The following CECR2 variants were observed in gnomAD, a reference collection of about 807,000 sequenced individuals.
CECR2 encodes CECR2 histone acetyl-lysine reader, also known as chromatin remodeling regulator CECR2.
In CECR2, 30 loss-of-function variants were observed where a neutral mutation model predicts 154.5. The observed-to-expected ratio is 0.19, with a 90% confidence interval of 0.15 to 0.26. The LOEUF (loss-of-function observed/expected upper bound fraction) is 0.26. Ranked by LOEUF, CECR2 falls within the 10% of genes least tolerant of loss-of-function variation. CECR2 has a pLI of 1.00. For missense variants in CECR2, 1,743 were observed against 1,829.3 expected, an observed-to-expected ratio of 0.95 and a Z score of 0.86; for synonymous variants, 725 against 683.7, an observed-to-expected ratio of 1.06 and a Z score of -0.94.
intron 5 of CECR2, among the ~76,000 whole-genome samples, chr22:17,502,237 G>C (rs990879670): frequency 1.3e-5 from 2 of 152,188 alleles, no homozygotes; most frequent in Admixed American, 1.3e-4. Flanking sequence ...AGGTCACATT[G>C]TAAGTGGCAC....
At chr22:17,422,655 A>G (rs1203929372) in intron 1 of CECR2, among the ~76,000 whole-genome samples, 1 of 147,016 alleles carries the variant, frequency 6.8e-6, no homozygotes, top group Non-Finnish European at 1.5e-5. Context: ...TTTATATTAC[A>G]CCTTTTGTAC....
At position 17,549,264 on chromosome 22, in the gene CECR2, G is replaced by A. The variant is rs1478206149; in HGVS notation, c.3977G>A (p.Ser1326Asn). ...CTCTATGGAACTCCTCCGCCTCTGA[G>A]TTCAGGAATGGGATTTGGTTCATCT... ...EYLYGTPPPLSSGMGFGSSAF... is the reference protein window; with the variant it reads ...EYLYGTPPPLNSGMGFGSSAF... Residue 1326 changes from serine (S) to asparagine (N), a missense_variant, in exon 17 of 19, where the codon AGT becomes AAT. By Grantham distance (46) the Ser-to-Asn change is conservative (BLOSUM62 1). This residue lies in a region of CECR2 where 1,250 missense variants were observed against 1,192.1 expected (regional missense o/e 1.05). Transcript: ENST00000262608. 1.9e-5 allele frequency: 30 copies of A among 1,613,898 alleles called. No individual in the cohort carries two copies. The highest frequency in any genetic ancestry group is 2.3e-5 in the Non-Finnish European group (27 of 1,179,904).
intron 7 of CECR2, among the ~76,000 whole-genome samples, chr22:17,505,936 C>T (rs951321805): frequency 6.8e-6 from 1 of 147,102 alleles, no homozygotes; most frequent in Non-Finnish European, 1.5e-5. Context: ...CCTCGATTTG[C>T]CAGGCTCATG....
intron 2 of CECR2, among the ~76,000 whole-genome samples, chr22:17,495,231 T>TA (rs1169043917): frequency 1.3e-5 from 2 of 152,132 alleles, no homozygotes; most frequent in Non-Finnish European, 2.9e-5. Flanking sequence ...AATAACCATC[T>TA]AACAAACAGC....
chr22:17,462,083 G>T (rs1462772805), intron 1 of CECR2, among the ~76,000 whole-genome samples: 2 of 151,740 alleles, frequency 1.3e-5, no homozygotes, highest in Non-Finnish European at 2.9e-5. Flanking sequence ...GAGCCACCAT[G>T]CTCGGCAGTA....
intron 2 of CECR2, among the ~76,000 whole-genome samples, chr22:17,478,590 C>T (rs982260199): frequency 4.6e-5 from 7 of 152,052 alleles, no homozygotes; most frequent in South Asian, 2.1e-4. Context: ...CTCCCGACCT[C>T]GTGATCTGCC....
chr22:17,443,699 C>T (rs888195204), intron 1 of CECR2, among the ~76,000 whole-genome samples: 1 of 152,110 alleles, frequency 6.6e-6, no homozygotes, highest in Non-Finnish European at 1.5e-5. Flanking sequence ...GTCTTTAGAG[C>T]GACTTCCGGG....
At chr22:17,476,252 G>C (rs1278399749) in intron 1 of CECR2, among the ~76,000 whole-genome samples, 1 of 151,058 alleles carries the variant, frequency 6.6e-6, no homozygotes, top group Non-Finnish European at 1.5e-5. Context: ...GTACCTGCTA[G>C]TACTGATTGA....
Position 17,553,045 on chromosome 22 carries a change from C to A in CECR2, c.*205C>A. On this transcript the variant is annotated 3_prime_UTR_variant, in exon 19 of 19. Coordinates refer to ENST00000262608, the MANE Select transcript of CECR2 (RefSeq NM_001290047.2). ...GACTGACACACAGATTGCAAAGGTC[C>A]TCGGCCAGGGATCTCTTGCACAGCT... 1.6e-6 allele frequency: 2 copies of A among 1,236,000 alleles called. No homozygotes were observed. Among genetic ancestry groups the A allele is most frequent in the Non-Finnish European group, 2.1e-6 (2 of 955,252 alleles). 76.6% of individuals were successfully genotyped at this position (1,236,000 alleles called of 1,614,324 possible).
At chr22:17,360,840 TCTCA>T (rs1569031556) in intron 1 of CECR2, among the ~76,000 whole-genome samples, 1 of 114,592 alleles carries the variant, frequency 8.7e-6, no homozygotes, top group African/African-American at 4.1e-5. Context: ...TGAGACCCTG[TCTCA>T]AACAAACAAA....
intron 1 of CECR2, among the ~76,000 whole-genome samples, chr22:17,446,172 GA>G (rs1479024837): frequency 6.6e-6 from 1 of 152,136 alleles, no homozygotes; most frequent in African/African-American, 2.4e-5. Context: ...TGTGCACACT[GA>G]AAAACACTGT....
At chr22:17,517,744 T>C (rs1339766038) in intron 8 of CECR2, among the ~76,000 whole-genome samples, 2 of 152,222 alleles carry the variant, frequency 1.3e-5, no homozygotes, top group African/African-American at 4.8e-5. Context: ...GGCCTTAAAA[T>C]GCTAGGAGAG....
chr22:17,370,128 G>A (rs1480832990), intron 1 of CECR2, among the ~76,000 whole-genome samples: 4 of 151,152 alleles, frequency 2.6e-5, no homozygotes, highest in African/African-American at 9.7e-5. Context: ...GCCGGATCCT[G>A]GGGTGGAGGA....
rs1472445458 is a variant in CECR2, at chr22:17,556,269, T to C, written c.*3429T>C. 2 of 152,194 alleles carry C rather than the reference T, an allele frequency of 1.3e-5. No homozygotes were observed. The highest frequency in any genetic ancestry group is 1.5e-5 in the Non-Finnish European group (1 of 68,042). The allele number at this position is 152,194 out of a possible 1,614,324, so 9.4% of individuals were successfully genotyped here. A position where few individuals can be genotyped will look rare whatever the true frequency, so the allele number is the denominator to read the frequency against. ...GGCCAGATGCTCTCAGAAGGCCTTC[T>C]CATGCTCCTCTTCGTTAGGCTTAGT... On this transcript the variant is annotated 3_prime_UTR_variant, in exon 19 of 19. Transcript: ENST00000262608.
chr22:17,393,888 A>AAT (rs1424551242), intron 1 of CECR2, among the ~76,000 whole-genome samples: 8 of 134,044 alleles, frequency 6.0e-5, no homozygotes, highest in African/African-American at 2.2e-4. Flanking sequence ...TTTTTTATTC[A>AAT]TTTTTTTTTT....
intron 1 of CECR2, among the ~76,000 whole-genome samples, chr22:17,421,451 T>C (rs1452578050): frequency 6.6e-6 from 1 of 151,768 alleles, no homozygotes; most frequent in Non-Finnish European, 1.5e-5. Context: ...CCGTCTCTAC[T>C]AAAAATACAA....
intron 2 of CECR2, among the ~76,000 whole-genome samples, chr22:17,482,634 A>G (rs1331918863): frequency 6.6e-6 from 1 of 151,816 alleles, no homozygotes; most frequent in Non-Finnish European, 1.5e-5. Context: ...CCTGGTCTCA[A>G]ACGATCTTCC....
rs919306125 is a variant in CECR2 at position 17,542,758 on chromosome 22, G to T, written c.2615G>T (p.Gly872Val). The T allele has an allele frequency of 1.9e-6, 3 of 1,613,860 alleles. No individual in the cohort carries two copies. The highest frequency in any genetic ancestry group is 2.7e-5 in the African/African-American group (2 of 74,906). The change falls in exon 16 of 19, where the codon GGG becomes GTG. Residue 872 changes from glycine (G) to valine (V), a missense_variant. Coordinates refer to ENST00000262608, the MANE Select transcript of CECR2 (RefSeq NM_001290047.2). The part of the protein sequence containing the change: ...LFGAPAQALR[G>V]VQGGDSMMDS... Reference sequence around the variant, plus strand: ...GGAGCACCTGCCCAGGCTCTTCGGGGGGTGCAGGGAGGGGACTCCATGATG... The same window carrying T: ...GGAGCACCTGCCCAGGCTCTTCGGGTGGTGCAGGGAGGGGACTCCATGATG...
In CECR2 at chr22:17,536,615, G is replaced by A. The variant is rs181945720; in HGVS notation, c.1109-488G>A. 3.2e-4 allele frequency among the ~76,000 whole-genome samples: 48 copies of A among 152,316 alleles called. 1 individual carries two copies. The highest frequency in any genetic ancestry group is 2.6e-3 in the Admixed American group (39 of 15,294). ...TGCTTGCATGGATGCCTTCATAAAC[G>A]CAGAACGGCAAGAGCTGGGACGTGC... On this transcript the variant is annotated intron_variant, in intron 9 of 18. Transcript: ENST00000262608.
Sources: gnomAD v4.1 joint callset for allele counts (sites outside exome capture counted in the v4.1 genomes callset) on GRCh38, gnomAD v4.1.1 for gene constraint, gnomAD v4.1.1 regional missense constraint, MANE v1.5 for transcripts, NCBI Gene and HGNC (gene_info 2026-07-23, HGNC 2026-07-21) for gene names.